Variants in PIKFYVE observed in about 807,000 individuals in gnomAD.
PIKFYVE encodes 1-phosphatidylinositol 3-phosphate 5-kinase.
PIKFYVE carries 122 observed loss-of-function variants against 257.9 expected under a neutral mutation model. The ratio of observed to expected loss-of-function variants is 0.47; its 90% CI spans 0.41 to 0.55. The LOEUF (loss-of-function observed/expected upper bound fraction) is 0.55, where lower values mean the gene tolerates loss of function less well. Among genes scored for constraint, PIKFYVE ranks in the 20% least tolerant of loss-of-function variants. The pLI, the probability that PIKFYVE is intolerant of heterozygous loss-of-function variation, is 0.00. For missense variants in PIKFYVE, 2,160 were observed against 2,536.6 expected, an observed-to-expected ratio of 0.85 and a Z score of 3.19; for synonymous variants, 892 against 868.9, an observed-to-expected ratio of 1.03 and a Z score of -0.47.
intron 24 of PIKFYVE, 48 bp downstream of exon 24, chr2:208,333,541 C>G (rs764684412): frequency 1.9e-6 from 3 of 1,577,940 alleles, no homozygotes; most frequent in Non-Finnish European, 2.6e-6. Flanking sequence ...CTCATAATCC[C>G]TTAAGAATTT....
chr2:208,342,733 C>A, intron 32 of PIKFYVE, 84 bp downstream of exon 32: 2 of 1,082,474 alleles, frequency 1.8e-6, no homozygotes, highest in Non-Finnish European at 2.8e-6. Flanking sequence ...GAATCTTTCA[C>A]ATAAAGCAAA....
intron 12 of PIKFYVE, among the ~76,000 whole-genome samples, chr2:208,306,885 C>G (rs990425031): frequency 6.6e-6 from 1 of 151,852 alleles, no homozygotes; most frequent in African/African-American, 2.4e-5. Flanking sequence ...TCAAGTGATT[C>G]TCCCACCTCA....
At chr2:208,336,303 G>T in intron 27 of PIKFYVE, 103 bp downstream of exon 27, 1 of 1,378,840 alleles carries the variant, frequency 7.3e-7, no homozygotes. Flanking sequence ...TTCATTTTGT[G>T]CTCAAGTTAA....
intron 10 of PIKFYVE, chr2:208,302,661 A>G (rs960525642): frequency 2.9e-5 from 10 of 350,588 alleles, no homozygotes; most frequent in African/African-American, 1.9e-4. Flanking sequence ...ATAGTTGCTT[A>G]TCATTTAACT....
intron 10 of PIKFYVE, among the ~76,000 whole-genome samples, chr2:208,303,275 ACACACACAGG>A (rs1329462588): frequency 1.3e-5 from 1 of 79,480 alleles, no homozygotes; most frequent in Non-Finnish European, 2.6e-5. Context: ...ATATACATAT[ACACACACAGG>A]CACACACACA....
rs41315876 is a variant in PIKFYVE, at chr2:208,314,251, C to G, written c.1697-43C>G. ...AAATATATGAGTAGATGGTATAAAA[C>G]AGGACAATGAAGTAATAACTTCTTA... On this transcript the variant is annotated intron_variant, in intron 13 of 41. Transcript: ENST00000264380. 11,204 of 1,589,556 alleles carry G rather than the reference C, an allele frequency of 7.0e-3. 59 individuals carry two copies. Among genetic ancestry groups the G allele is most frequent in the Non-Finnish European group, 8.4e-3 (9,780 of 1,159,132 alleles).
rs1443328782 is a variant in PIKFYVE at position 208,315,283 on chromosome 2, A to G, written c.1917A>G (p.Ser639=). 19 of 1,614,160 alleles carry G rather than the reference A, an allele frequency of 1.2e-5. No homozygotes were observed. The highest frequency in any genetic ancestry group is 1.4e-5 in the Non-Finnish European group (16 of 1,180,010). Residue 639 remains serine, a synonymous_variant, in exon 15 of 42, where the codon TCA becomes TCG. Transcript: ENST00000264380. The part of the protein sequence containing the change: ...LSSSWRDIIV[S]LVCQVVQTVR... ...CATCTTGGAGGGACATCATCGTGTC[A>G]TTGGTCTGCCAGGTTGTTCAGACAG...
intron 31 of PIKFYVE, 103 bp downstream of exon 31, chr2:208,340,234 C>A: frequency 7.0e-7 from 1 of 1,419,330 alleles, no homozygotes; most frequent in Non-Finnish European, 9.8e-7. Flanking sequence ...TTTTTCAATC[C>A]TAAATTTTAT....
chr2:208,335,185 C>T (rs975782568), intron 24 of PIKFYVE, 121 bp from the exon 25 acceptor site: 22 of 724,060 alleles, frequency 3.0e-5, no homozygotes, highest in Non-Finnish European at 4.3e-5. Flanking sequence ...TTTTAAAATA[C>T]GATTTTATAG....
intron 29 of PIKFYVE, 92 bp downstream of exon 29, chr2:208,338,660 G>A (rs553633052): frequency 8.7e-6 from 11 of 1,264,512 alleles, no homozygotes; most frequent in South Asian, 2.4e-5. Context: ...CAGTTTTTCC[G>A]ATGCTGTTGT....
At chr2:208,283,258 A>AT (rs1691074418) in intron 5 of PIKFYVE, among the ~76,000 whole-genome samples, 1 of 152,232 alleles carries the variant, frequency 6.6e-6, no homozygotes, top group Non-Finnish European at 1.5e-5. Flanking sequence ...TAGCAATAGT[A>AT]TCTGCATCTG....
intron 10 of PIKFYVE, among the ~76,000 whole-genome samples, chr2:208,302,893 A>G (rs1447743417): frequency 6.6e-6 from 1 of 152,074 alleles, no homozygotes; most frequent in Non-Finnish European, 1.5e-5. Flanking sequence ...CATCCTGGCT[A>G]ACATGGTGAA....
At chr2:208,298,273 A>G (rs1487920793) in intron 7 of PIKFYVE, among the ~76,000 whole-genome samples, 3 of 152,220 alleles carry the variant, frequency 2.0e-5, no homozygotes, top group Non-Finnish European at 4.4e-5. Context: ...ACTAACTTAC[A>G]GCATTTTAAC....
chr2:208,293,155 A>G (rs1050526146), intron 7 of PIKFYVE, among the ~76,000 whole-genome samples: 2 of 151,684 alleles, frequency 1.3e-5, no homozygotes, highest in African/African-American at 4.8e-5. Flanking sequence ...CTTTCAAATA[A>G]TACTATACTA....
intron 31 of PIKFYVE, among the ~76,000 whole-genome samples, chr2:208,340,867 T>C (rs1698629633): frequency 6.6e-6 from 1 of 152,196 alleles, no homozygotes; most frequent in South Asian, 2.1e-4. Flanking sequence ...CAGTACAGTA[T>C]GTGATATGTT....
chr2:208,343,543 G>A (rs1249519705), intron 32 of PIKFYVE, among the ~76,000 whole-genome samples: 2 of 152,120 alleles, frequency 1.3e-5, no homozygotes, highest in Non-Finnish European at 2.9e-5. Context: ...AGTAAGAGAT[G>A]AACAACAACA....
rs1697845517 is a variant in PIKFYVE at position 208,333,955 on chromosome 2, T to C, written c.4142+462T>C. On this transcript the variant is annotated intron_variant, in intron 24 of 41. Coordinates refer to ENST00000264380, the MANE Select transcript of PIKFYVE (RefSeq NM_015040.4). ...ATCATGTCGGGCCCTGGCCTAACTC[T>C]TAACCATTGTTTTGGCATCTGATGG... is the stretch of plus-strand genomic sequence containing the variant. 2.0e-5 allele frequency among the ~76,000 whole-genome samples: 3 copies of C among 152,204 alleles called. No individual in the cohort carries two copies. The South Asian group carries it at 6.2e-4, about 31-fold the overall frequency.
intron 1 of PIKFYVE, among the ~76,000 whole-genome samples, chr2:208,269,160 C>T (rs907132864): frequency 2.0e-5 from 3 of 152,000 alleles, no homozygotes; most frequent in Admixed American, 6.5e-5. Flanking sequence ...AGCATTTTAC[C>T]GAGACTGTAA....
At chr2:208,303,819 T>G (rs1412059010) in intron 10 of PIKFYVE, among the ~76,000 whole-genome samples, 1 of 152,232 alleles carries the variant, frequency 6.6e-6, no homozygotes, top group African/African-American at 2.4e-5. Flanking sequence ...TTAAAAGTTA[T>G]TTTGCAAGAT....
Sources: gnomAD v4.1 joint callset for allele counts (sites outside exome capture counted in the v4.1 genomes callset) on GRCh38, gnomAD v4.1.1 for gene constraint, MANE v1.5 for transcripts, NCBI Gene and HGNC (gene_info 2026-07-23, HGNC 2026-07-21) for gene names.